The following DAGLA variants were observed in gnomAD, a reference collection of about 807,000 sequenced individuals.
The protein encoded by DAGLA is diacylglycerol lipase-alpha.
DAGLA carries 22 observed loss-of-function variants against 102.6 expected under a neutral mutation model. That is an observed-to-expected ratio of 0.21 (90% CI 0.15 to 0.31). DAGLA has a LOEUF of 0.31. Ranked by LOEUF, DAGLA falls within the 10% of genes least tolerant of loss-of-function variation. The pLI is 1.00. For synonymous variants in DAGLA, 578 were observed against 628.9 expected (o/e 0.92, Z 1.21); for missense variants, 927 against 1,446.6 (o/e 0.64, Z 5.83).
intron 1 of DAGLA, among the ~76,000 whole-genome samples, chr11:61,712,429 C>T (rs2065201490): frequency 6.6e-6 from 1 of 152,150 alleles, no homozygotes; most frequent in Admixed American, 6.5e-5. Context: ...TAGCCTAAGA[C>T]CCTGGGCGGC....
At chr11:61,688,954 G>A (rs4963308) in intron 1 of DAGLA, among the ~76,000 whole-genome samples, 20,808 of 152,322 alleles carry the variant, frequency 0.14, 1,591 homozygotes, top group East Asian at 0.27. Flanking sequence ...AAGATGACAC[G>A]TGCTGCCAGG....
At chr11:61,732,851 C>G (rs1591049338) in intron 9 of DAGLA, among the ~76,000 whole-genome samples, 1 of 152,170 alleles carries the variant, frequency 6.6e-6, no homozygotes, top group Non-Finnish European at 1.5e-5. Flanking sequence ...GCCCAGGCCT[C>G]TCCCCTGGCA....
At chr11:61,720,602 G>C in intron 2 of DAGLA, 77 bp from the exon 3 acceptor site, 1 of 1,388,608 alleles carries the variant, frequency 7.2e-7, no homozygotes, top group Non-Finnish European at 1.0e-6. Context: ...TCTGGGCTGG[G>C]GAAGGGCCTG....
rs540475084 is a variant in DAGLA, at chr11:61,684,853, G to T, written c.-45+4349G>T. ...GTTGCCGGGCTCTTCACAGCAGGAG[G>T]GAACAGTGGGAGTCGGAGGAGGCTG... On this transcript the variant is annotated intron_variant, in intron 1 of 19. Coordinates refer to ENST00000257215, the MANE Select transcript of DAGLA (RefSeq NM_006133.3). This position sits in a 1 kb window ranked among gnomAD's most constrained non-coding sequence, Gnocchi z 4.5. Among the ~76,000 whole-genome samples, 4 of 152,074 alleles carry T rather than the reference G, an allele frequency of 2.6e-5. No individual in the cohort carries two copies. Among genetic ancestry groups the T allele is most frequent in the Admixed American group, 2.0e-4 (3 of 15,272 alleles).
At chr11:61,723,672 G>T in intron 5 of DAGLA, 100 bp downstream of exon 5, 1 of 1,476,242 alleles carries the variant, frequency 6.8e-7, no homozygotes, top group Non-Finnish European at 9.2e-7. Flanking sequence ...CTCCCAGACT[G>T]CATGCCAACC....
intron 1 of DAGLA, among the ~76,000 whole-genome samples, chr11:61,697,774 C>T (rs930312952): frequency 2.0e-5 from 3 of 152,150 alleles, no homozygotes; most frequent in Admixed American, 6.5e-5. Context: ...ACTGCAGCCT[C>T]GAATTCCTGG....
At position 61,700,317 on chromosome 11, in the gene DAGLA, G is replaced by A. The variant is rs1403443035; in HGVS notation, c.-44-19795G>A. The stretch of plus-strand genomic sequence containing the variant: ...CCTTTTCTGCAGCAGCCTGTCTGCA[G>A]GCCCTCCTGCAAGGAGAGCCTGTCT... On this transcript the variant is annotated intron_variant, in intron 1 of 19. Coordinates refer to ENST00000257215, the MANE Select transcript of DAGLA (RefSeq NM_006133.3). Among the ~76,000 whole-genome samples, 3 of 152,350 alleles carry A rather than the reference G, an allele frequency of 2.0e-5. No individual in the cohort carries two copies. In the East Asian group the frequency reaches 5.8e-4, roughly 29 times the overall value.
intron 8 of DAGLA, 125 bp from the exon 9 acceptor site, chr11:61,731,192 G>A (rs1200928980): frequency 5.9e-6 from 7 of 1,188,028 alleles, no homozygotes; most frequent in Non-Finnish European, 8.2e-6. Context: ...CACCTCAACA[G>A]GGGACCAGCA....
In DAGLA at chr11:61,697,139, C is replaced by T. The variant is rs138642349; in HGVS notation, c.-45+16635C>T. On this transcript the variant is annotated intron_variant, in intron 1 of 19. Transcript: ENST00000257215. ...CTCACCTGGCCAGTGAGAAATGAAG[C>T]GGTTTCTGTGCCCCAGTGCCATGGA... is the stretch of plus-strand genomic sequence containing the variant. Among the ~76,000 whole-genome samples the T allele has an allele frequency of 2.7e-3, 415 of 152,300 alleles. 2 individuals are homozygous for T. The highest frequency in any genetic ancestry group is 9.2e-3 in the African/African-American group (383 of 41,568).
chr11:61,692,764 G>T (rs1297813028), intron 1 of DAGLA, among the ~76,000 whole-genome samples: 1 of 151,960 alleles, frequency 6.6e-6, no homozygotes, highest in African/African-American at 2.4e-5. Flanking sequence ...CAACATCCCC[G>T]AGTAGAGAGT....
intron 1 of DAGLA, among the ~76,000 whole-genome samples, chr11:61,695,137 C>T (rs2065054367): frequency 6.6e-6 from 1 of 152,234 alleles, no homozygotes; most frequent in Non-Finnish European, 1.5e-5. Context: ...AAGTGGTGCC[C>T]AGCCTCCCTG....
intron 1 of DAGLA, among the ~76,000 whole-genome samples, chr11:61,700,643 C>T (rs1489269821): frequency 6.6e-6 from 1 of 152,196 alleles, no homozygotes; most frequent in Non-Finnish European, 1.5e-5. Flanking sequence ...CCCTTTCTCT[C>T]CCACAGCTGG....
chr11:61,743,362 CAAA>C (rs374336921), intron 19 of DAGLA, among the ~76,000 whole-genome samples, 167 bp from the exon 20 acceptor site: 12 of 51,952 alleles, frequency 2.3e-4, no homozygotes, highest in Admixed American at 6.0e-4. Context: ...GACTCTGTCT[CAAA>C]AAAAAAAAAA....
intron 1 of DAGLA, among the ~76,000 whole-genome samples, chr11:61,710,956 A>T (rs1411832923): frequency 6.6e-6 from 1 of 152,198 alleles, no homozygotes; most frequent in African/African-American, 2.4e-5. Context: ...AGTCATAGAC[A>T]ACTAGAAGTG....
intron 3 of DAGLA, among the ~76,000 whole-genome samples, chr11:61,721,879 C>T (rs908750210): frequency 1.9e-4 from 29 of 152,366 alleles, no homozygotes; most frequent in African/African-American, 6.3e-4. Context: ...GTGTAAATGT[C>T]GGAGCTGGGA....
In DAGLA at chr11:61,728,915, C is replaced by T; in HGVS notation, c.772-16C>T. ...CTGGGCCAGTGATTGTCCTTCTTCACCTGCCGGTCTTACAGGCAAACAATG... is the reference window on the plus strand; with the variant it reads ...CTGGGCCAGTGATTGTCCTTCTTCATCTGCCGGTCTTACAGGCAAACAATG... On this transcript the variant is annotated splice_polypyrimidine_tract_variant and intron_variant, in intron 7 of 19. Transcript: ENST00000257215. 6.2e-7 allele frequency: 1 copy of T among 1,612,296 alleles called. No individual in the cohort carries two copies. The highest frequency in any genetic ancestry group is 8.5e-7 in the Non-Finnish European group (1 of 1,178,300).
Position 61,723,439 on chromosome 11 carries a change from G to A in DAGLA, c.415G>A (p.Val139Ile). ...LTAKNVTLGM[V>I]VCNWVVILSV... ...CCTCCCACTGCTGCCCGCAGGAATG[G>A]TTGTCTGCAACTGGGTAGTCATCCT... Residue 139 changes from valine (V) to isoleucine (I), a missense_variant, in exon 5 of 20, where the codon GTT becomes ATT. This residue lies in a region of DAGLA where 231 missense variants were observed against 439.8 expected (regional missense o/e 0.53). Transcript: ENST00000257215. 6.2e-7 allele frequency: 1 copy of A among 1,611,632 alleles called. No individual in the cohort carries two copies. The highest frequency in any genetic ancestry group is 1.7e-5 in the Admixed American group (1 of 59,992).
At chr11:61,691,607 AAC>A (rs1252211897) in intron 1 of DAGLA, among the ~76,000 whole-genome samples, 1 of 152,260 alleles carries the variant, frequency 6.6e-6, no homozygotes, top group African/African-American at 2.4e-5. Flanking sequence ...AGAGGGAACA[AAC>A]ACAGCCACAG....
chr11:61,718,447 G>C (rs1047327703), intron 1 of DAGLA, among the ~76,000 whole-genome samples: 4 of 152,236 alleles, frequency 2.6e-5, no homozygotes, highest in African/African-American at 7.2e-5. Flanking sequence ...GCTGTTGGCA[G>C]CTCTGTTCTG....
Sources: allele counts gnomAD v4.1 joint callset (sites outside exome capture counted in the v4.1 genomes callset), GRCh38; gene constraint gnomAD v4.1.1; regional missense constraint gnomAD v4.1.1; non-coding constraint Gnocchi (gnomAD v3.1); transcripts MANE v1.5; gene names NCBI Gene and HGNC (gene_info 2026-07-23, HGNC 2026-07-21).